ZDHHC18: variants seen among roughly 807,000 people sequenced by gnomAD.
ZDHHC18 encodes the protein palmitoyltransferase ZDHHC18.
Under a neutral mutation model 37.5 loss-of-function variants are expected in ZDHHC18, and 23 were observed. That is an observed-to-expected ratio of 0.61 (90% CI 0.44 to 0.87). The LOEUF (loss-of-function observed/expected upper bound fraction) is 0.87, where lower values mean the gene tolerates loss of function less well. Among genes scored for constraint, ZDHHC18 ranks in the 40% least tolerant of loss-of-function variants. ZDHHC18 has a pLI of 0.00. For synonymous variants in ZDHHC18, 185 were observed against 218.7 expected (o/e 0.85, Z 1.36); for missense variants, 406 against 525.6 (o/e 0.77, Z 2.22).
In ZDHHC18 at chr1:26,840,075, G is replaced by A. The variant is rs186380387; in HGVS notation, c.496+7468G>A. On this transcript the variant is annotated intron_variant, in intron 2 of 7. Transcript: ENST00000374142. The stretch of plus-strand genomic sequence containing the variant: ...TTCATTTGCTCTTCTGCAGAGTGCT[G>A]GAGAGAAAGAAGCCTGGCTGCTGGA... Among the ~76,000 whole-genome samples the A allele has an allele frequency of 2.0e-5, 3 of 152,336 alleles. No homozygotes were observed. In the East Asian group the frequency reaches 5.8e-4, roughly 29 times the overall value.
intron 2 of ZDHHC18, among the ~76,000 whole-genome samples, chr1:26,843,960 ATT>A (rs1258569171): frequency 6.6e-6 from 1 of 152,090 alleles, no homozygotes; most frequent in African/African-American, 2.4e-5. Flanking sequence ...CACAATCCTA[ATT>A]TCTAACACCA....
chr1:26,836,906 C>T (rs2081614596), intron 2 of ZDHHC18, among the ~76,000 whole-genome samples: 1 of 147,448 alleles, frequency 6.8e-6, no homozygotes, highest in Admixed American at 6.8e-5. Flanking sequence ...CTAAATGGCT[C>T]ATCTTTAAAT....
chr1:26,841,037 C>T (rs749349123), intron 2 of ZDHHC18, among the ~76,000 whole-genome samples: 65 of 152,182 alleles, frequency 4.3e-4, no homozygotes, highest in Non-Finnish European at 7.8e-4. Context: ...AGTGCAGTGG[C>T]GTGATCTCAG....
chr1:26,836,564 CT>C (rs1281776757), intron 2 of ZDHHC18, among the ~76,000 whole-genome samples: 57 of 146,992 alleles, frequency 3.9e-4, no homozygotes, highest in African/African-American at 1.4e-3. Flanking sequence ...CTTTTTTTTT[CT>C]TTTTTTCTTT....
At chr1:26,848,881 G>C in intron 3 of ZDHHC18, 124 bp downstream of exon 3, 1 of 1,393,014 alleles carries the variant, frequency 7.2e-7, no homozygotes, top group Non-Finnish European at 9.7e-7. Context: ...TGGGCAGGGG[G>C]TCTGGTTCAC....
intron 2 of ZDHHC18, among the ~76,000 whole-genome samples, chr1:26,839,309 CT>C (rs1164614751): frequency 5.9e-5 from 9 of 152,238 alleles, no homozygotes; most frequent in Non-Finnish European, 1.2e-4. Context: ...TGGAGTAGAT[CT>C]TAGATTCCCT....
At chr1:26,837,218 A>G (rs1186855353) in intron 2 of ZDHHC18, among the ~76,000 whole-genome samples, 2 of 147,090 alleles carry the variant, frequency 1.4e-5, no homozygotes, top group Non-Finnish European at 3.0e-5. Flanking sequence ...GCGCCACTGC[A>G]CTCCAGCCTG....
rs2081558574 is a variant in ZDHHC18 at position 26,826,776 on chromosome 1, G to T, written c.-29G>T. 1 of 968,102 alleles carries T rather than the reference G, an allele frequency of 1.0e-6. No individual in the cohort carries two copies. The highest frequency in any genetic ancestry group is 1.2e-6 in the Non-Finnish European group (1 of 816,346). The allele number at this position is 968,102 out of a possible 1,614,324, so 60.0% of individuals were successfully genotyped here. A position where few individuals can be genotyped will look rare whatever the true frequency, so the allele number is the denominator to read the frequency against. On this transcript the variant is annotated 5_prime_UTR_variant, in exon 1 of 8. Coordinates refer to ENST00000374142, the MANE Select transcript of ZDHHC18 (RefSeq NM_032283.3). This position sits in a 1 kb window ranked among gnomAD's most constrained non-coding sequence, Gnocchi z 5.2. ...CGGAGTGGCCCGGCCGGCCCGCGGGGCGCGGAGCCGAGGCCCGCGGCTGGC... is the reference window on the plus strand; with the variant it reads ...CGGAGTGGCCCGGCCGGCCCGCGGGTCGCGGAGCCGAGGCCCGCGGCTGGC...
chr1:26,857,358 C>T lies in ZDHHC18; in HGVS notation c.*3515C>T, dbSNP rs1021680135. 2 of 152,196 alleles carry T rather than the reference C, an allele frequency of 1.3e-5. No homozygotes were observed. The highest frequency in any genetic ancestry group is 2.9e-5 in the Non-Finnish European group (2 of 68,042). 9.4% of individuals were successfully genotyped at this position (152,196 alleles called of 1,614,324 possible). A position where few individuals can be genotyped will look rare whatever the true frequency, so the allele number is the denominator to read the frequency against. ...AACTGGCTTGATACTGTTCCCACGG[C>T]CTGTCCACCTCCCACCCCCAACCCT... On this transcript the variant is annotated 3_prime_UTR_variant, in exon 8 of 8. Transcript: ENST00000374142.
rs552328545 is a variant in ZDHHC18 at position 26,840,653 on chromosome 1, G to A, written c.497-7955G>A. 1.7e-3 allele frequency among the ~76,000 whole-genome samples: 260 copies of A among 152,194 alleles called. 1 individual carries two copies. The highest frequency in any genetic ancestry group is 5.9e-3 in the African/African-American group (246 of 41,538). ...GATGGGGTTTCAGTGTGTTGGCCAGGCTGGTCTTGAACTCCTGACCTCAGG... is the reference window on the plus strand; with the variant it reads ...GATGGGGTTTCAGTGTGTTGGCCAGACTGGTCTTGAACTCCTGACCTCAGG... On this transcript the variant is annotated intron_variant, in intron 2 of 7. Transcript: ENST00000374142.
chr1:26,846,681 A>G (rs1163912500), intron 2 of ZDHHC18, among the ~76,000 whole-genome samples: 5 of 152,006 alleles, frequency 3.3e-5, no homozygotes, highest in Non-Finnish European at 5.9e-5. Context: ...TTATAGTACA[A>G]CTAATTCCTG....
At chr1:26,848,828 C>G in intron 3 of ZDHHC18, 71 bp downstream of exon 3, 1 of 1,563,272 alleles carries the variant, frequency 6.4e-7, no homozygotes, top group East Asian at 2.3e-5. Context: ...TGGGGGGCAT[C>G]AAGCATGGGG....
chr1:26,833,721 G>A (rs1315226793), intron 2 of ZDHHC18, among the ~76,000 whole-genome samples: 3 of 152,062 alleles, frequency 2.0e-5, no homozygotes, highest in African/African-American at 7.2e-5. Flanking sequence ...GCACACCTCG[G>A]GGGTTTCCGG....
chr1:26,827,893 G>C (rs1394585815), intron 1 of ZDHHC18, among the ~76,000 whole-genome samples: 1 of 152,016 alleles, frequency 6.6e-6, no homozygotes, highest in Non-Finnish European at 1.5e-5. Flanking sequence ...CCAGGCCCCT[G>C]GCCCCCCTGC....
chr1:26,833,271 G>GA (rs1219812382), intron 2 of ZDHHC18, among the ~76,000 whole-genome samples: 2 of 152,358 alleles, frequency 1.3e-5, no homozygotes, highest in African/African-American at 4.8e-5. Context: ...AGGCTACAGG[G>GA]AGGGTGTGTG....
intron 2 of ZDHHC18, among the ~76,000 whole-genome samples, chr1:26,846,492 G>A (rs1274624133): frequency 3.4e-5 from 5 of 148,970 alleles, no homozygotes; most frequent in East Asian, 2.0e-4. Context: ...ATGCCCGGCT[G>A]ATTTTTTTGT....
In ZDHHC18 at chr1:26,851,149, G is replaced by C. The variant is rs755339731; in HGVS notation, c.854G>C (p.Cys285Ser). The C allele has an allele frequency of 2.5e-6, 4 of 1,614,178 alleles. No individual in the cohort carries two copies. The highest frequency in any genetic ancestry group is 1.3e-5 in the African/African-American group (1 of 75,036). Residue 285 changes from cysteine to serine, a missense_variant, in exon 6 of 8, where the codon TGC becomes TCC. Transcript: ENST00000374142. ...TPASVLELVI[C>S]FFSIWSILGL... ...CTCACCGTGCTGGAGTTGGTGATCT[G>C]CTTCTTCTCCATCTGGTCCATTCTG... is the stretch of plus-strand genomic sequence containing the variant.
intron 2 of ZDHHC18, among the ~76,000 whole-genome samples, chr1:26,846,193 CAT>C (rs2081663503): frequency 1.6e-5 from 2 of 126,764 alleles, no homozygotes; most frequent in Admixed American, 1.7e-4. Context: ...TATCTATATA[CAT>C]ACATATATAC....
intron 5 of ZDHHC18, 85 bp from the exon 6 acceptor site, chr1:26,851,044 C>T: frequency 7.7e-7 from 1 of 1,298,864 alleles, no homozygotes; most frequent in Non-Finnish European, 1.1e-6. Context: ...GGGGAAACAG[C>T]TCCATGGAAG....
Sources: allele counts gnomAD v4.1 joint callset (sites outside exome capture counted in the v4.1 genomes callset), GRCh38; gene constraint gnomAD v4.1.1; non-coding constraint Gnocchi (gnomAD v3.1); transcripts MANE v1.5; gene names NCBI Gene and HGNC (gene_info 2026-07-23, HGNC 2026-07-21).